SLC6A17: variants seen among roughly 807,000 people sequenced by gnomAD.
The protein encoded by SLC6A17 is solute carrier family 6 member 17.
SLC6A17 carries 21 observed loss-of-function variants against 64.5 expected under a neutral mutation model. The ratio of observed to expected loss-of-function variants is 0.33; its 90% confidence interval spans 0.23 to 0.47. SLC6A17 has a LOEUF of 0.47. Ranked by LOEUF, SLC6A17 falls within the 20% of genes least tolerant of loss-of-function variation. SLC6A17 has a pLI of 1.00. For synonymous variants in SLC6A17, 372 were observed against 399.5 expected (o/e 0.93, Z 0.82); for missense variants, 682 against 963.2 (o/e 0.71, Z 3.86).
chr1:110,166,648 CT>C (rs1422474324), intron 1 of SLC6A17, among the ~76,000 whole-genome samples, 194 bp from the exon 2 acceptor site: 1 of 152,196 alleles, frequency 6.6e-6, no homozygotes, highest in African/African-American at 2.4e-5. Flanking sequence ...GGTCAAGCCT[CT>C]GGAGAAACTG....
intron 2 of SLC6A17, among the ~76,000 whole-genome samples, chr1:110,171,794 A>T (rs1251284291): frequency 6.6e-6 from 1 of 151,576 alleles, no homozygotes; most frequent in Non-Finnish European, 1.5e-5. Context: ...CTGTTTCTGA[A>T]CCTAGCCTTG....
In SLC6A17 at chr1:110,166,913, C is replaced by T. The variant is rs777862109; in HGVS notation, c.-17C>T. Reference sequence around the variant, plus strand: ...CTGTGTGCTGGGGAGCAGGGCTACACGGCCCAGGTGGCATCAATGCCGAAG... The same window carrying T: ...CTGTGTGCTGGGGAGCAGGGCTACATGGCCCAGGTGGCATCAATGCCGAAG... On this transcript the variant is annotated 5_prime_UTR_variant, in exon 2 of 12. It adds an upstream start codon to the 5' untranslated region. Coordinates refer to ENST00000331565, the MANE Select transcript of SLC6A17 (RefSeq NM_001010898.4). 17 of 1,589,984 alleles carry T rather than the reference C, an allele frequency of 1.1e-5. No individual in the cohort carries two copies. The highest frequency in any genetic ancestry group is 2.3e-5 in the South Asian group (2 of 87,440).
intron 3 of SLC6A17, 38 bp from the exon 4 acceptor site, chr1:110,173,935 C>CGGA: frequency 6.3e-7 from 1 of 1,586,004 alleles, no homozygotes; most frequent in Non-Finnish European, 8.6e-7. Flanking sequence ...GTGGAGTTGC[C>CGGA]TGCAGCCTCA....
intron 1 of SLC6A17, among the ~76,000 whole-genome samples, chr1:110,154,129 T>G (rs1346086753): frequency 6.6e-6 from 1 of 152,244 alleles, no homozygotes; most frequent in East Asian, 1.9e-4. Context: ...ATCCAGTTGC[T>G]TATTGAGGCT....
At chr1:110,156,264 T>C (rs745316586) in intron 1 of SLC6A17, among the ~76,000 whole-genome samples, 1 of 152,132 alleles carries the variant, frequency 6.6e-6, no homozygotes, top group Non-Finnish European at 1.5e-5. Context: ...CTGGGAGAAA[T>C]GGTGGTAGAT....
intron 1 of SLC6A17, 101 bp from the exon 2 acceptor site, chr1:110,166,742 C>A: frequency 1.5e-6 from 1 of 672,324 alleles, no homozygotes; most frequent in Non-Finnish European, 2.4e-6. Context: ...CTTGACCTGC[C>A]TCACAGTGTG....
chr1:110,176,781 G>C (rs748693853), intron 6 of SLC6A17, 42 bp downstream of exon 6: 4 of 1,549,686 alleles, frequency 2.6e-6, no homozygotes, highest in Non-Finnish European at 3.5e-6. Context: ...ACAGCAACAG[G>C]TCTACTGGGC....
At chr1:110,197,336 G>C (rs1656995794) in intron 10 of SLC6A17, 101 bp from the exon 11 acceptor site, 2 of 1,435,268 alleles carry the variant, frequency 1.4e-6, no homozygotes, top group Admixed American at 2.1e-5. Context: ...CCAGGAGGGA[G>C]GGACTGGGAA....
Position 110,192,100 on chromosome 1 carries a change from C to T in SLC6A17, c.993C>T (p.Phe331=), listed in dbSNP as rs762766087. Residue 331 remains phenylalanine (F), a synonymous_variant, in exon 7 of 12, where the codon TTC becomes TTT. Transcript: ENST00000331565. This position sits in a 1 kb window ranked among gnomAD's most constrained non-coding sequence, Gnocchi z 4.3. ...ATAAGCAGGACAACAACTGCCACTT[C>T]GATGCCGCCCTGGTGTCCTTCATCA... The part of the protein sequence containing the change: ...SYNKQDNNCH[F]DAALVSFINF... 26 of 1,614,084 alleles carry T rather than the reference C, an allele frequency of 1.6e-5. 1 individual carries two copies. Among genetic ancestry groups the T allele is most frequent in the Admixed American group, 1.3e-4 (8 of 60,008 alleles).
In SLC6A17 at chr1:110,195,728, GA is replaced by G; in HGVS notation, c.1636del (p.Ile546PhefsTer11). ...VILENIAVAWIYGTKKFMQEL... is the reference protein window; with the variant it reads ...VILENIAVAWXYGTKKFMQEL... ...TCCTTGAGAACATCGCTGTGGCCTG[GA>G]TTTATGGAACCAAGAAGTAAGAGGA... is the stretch of plus-strand genomic sequence containing the variant. On this transcript the variant is annotated frameshift_variant, in exon 10 of 12. Coordinates refer to ENST00000331565, the MANE Select transcript of SLC6A17 (RefSeq NM_001010898.4). LOFTEE classifies it high-confidence loss of function. 1 of 1,614,212 alleles carries G rather than the reference GA, an allele frequency of 6.2e-7. No individual in the cohort carries two copies. Among genetic ancestry groups the G allele is most frequent in the Non-Finnish European group, 8.5e-7 (1 of 1,180,040 alleles).
chr1:110,184,823 T>C (rs1656636238), intron 6 of SLC6A17, among the ~76,000 whole-genome samples: 1 of 152,214 alleles, frequency 6.6e-6, no homozygotes, highest in Non-Finnish European at 1.5e-5. Context: ...TGTATACTGC[T>C]GGTATACGCA....
At chr1:110,186,709 C>T (rs1208746466) in intron 6 of SLC6A17, among the ~76,000 whole-genome samples, 3 of 152,164 alleles carry the variant, frequency 2.0e-5, no homozygotes, top group African/African-American at 7.2e-5. Context: ...TTCTCTCACA[C>T]GTGCCAGCAC....
In SLC6A17 at chr1:110,167,098, G is replaced by A. The variant is rs12737742; in HGVS notation, c.169G>A (p.Ala57Thr). The A allele has an allele frequency of 0.42, 683,311 of 1,610,442 alleles. 153,741 individuals are homozygous for A. Among genetic ancestry groups the A allele is most frequent in the Non-Finnish European group, 0.46 (544,256 of 1,178,518 alleles). The stretch of plus-strand genomic sequence containing the variant: ...GAAGGCGGTGGAGGAGGAGCTGGAT[G>A]CAGAGGACCGGCCGGCCTGGAACAG... ...KQKAVEEELD[A>T]EDRPAWNSKL... The change falls in exon 2 of 12, where the codon GCA becomes ACA. Residue 57 changes from alanine to threonine, a missense_variant. Ala to Thr is a moderately conservative substitution (Grantham distance 58). Coordinates refer to ENST00000331565, the MANE Select transcript of SLC6A17 (RefSeq NM_001010898.4).
intron 1 of SLC6A17, among the ~76,000 whole-genome samples, chr1:110,165,605 G>A (rs1326329747): frequency 1.3e-5 from 2 of 152,166 alleles, no homozygotes; most frequent in African/African-American, 4.8e-5. Flanking sequence ...TGTGTAACAG[G>A]GCCTGGCTGG....
At position 110,194,719 on chromosome 1, in the gene SLC6A17, C is replaced by T. The variant is rs2100950332; in HGVS notation, c.1440C>T (p.Gly480=). 6.2e-7 allele frequency: 1 copy of T among 1,614,176 alleles called. No homozygotes were observed. The highest frequency in any genetic ancestry group is 1.1e-5 in the South Asian group (1 of 91,092). ...GLGSMIGTMA[G]ITTPIIDTFK... ...GCAGCATGATCGGGACCATGGCAGG[C>T]ATCACCACGCCCATCATCGACACCT... The change falls in exon 9 of 12, where the codon GGC becomes GGT. Residue 480 remains glycine, a synonymous_variant. Coordinates refer to ENST00000331565, the MANE Select transcript of SLC6A17 (RefSeq NM_001010898.4).
chr1:110,170,447 G>A (rs1656190562), intron 2 of SLC6A17, among the ~76,000 whole-genome samples: 1 of 152,196 alleles, frequency 6.6e-6, no homozygotes. Context: ...TCGCGCCACT[G>A]CCCTCCAGCC....
chr1:110,188,454 C>G (rs1178149241), intron 6 of SLC6A17, among the ~76,000 whole-genome samples: 1 of 152,216 alleles, frequency 6.6e-6, no homozygotes, highest in Non-Finnish European at 1.5e-5. Flanking sequence ...TCTGACCTTC[C>G]TTCCGGCATA....
At chr1:110,196,022 T>A (rs898418801) in intron 10 of SLC6A17, among the ~76,000 whole-genome samples, 2 of 152,292 alleles carry the variant, frequency 1.3e-5, no homozygotes, top group African/African-American at 4.8e-5. Context: ...TTCAGAACTC[T>A]GTTAAGTTTT....
chr1:110,193,279 C>T (rs1207928202), intron 8 of SLC6A17, among the ~76,000 whole-genome samples: 3 of 152,158 alleles, frequency 2.0e-5, no homozygotes, highest in African/African-American at 7.2e-5. Flanking sequence ...ATGCTTCTGC[C>T]CCTCCCCAAC....
Sources: allele counts gnomAD v4.1 joint callset (sites outside exome capture counted in the v4.1 genomes callset), GRCh38; gene constraint gnomAD v4.1.1; non-coding constraint Gnocchi (gnomAD v3.1); transcripts MANE v1.5; gene names NCBI Gene and HGNC (gene_info 2026-07-23, HGNC 2026-07-21).